KIAA0825: variants seen among roughly 807,000 people sequenced by gnomAD.
KIAA0825 encodes the protein KIAA0825, also known as uncharacterized protein KIAA0825.
A neutral mutation model predicts 147.6 loss-of-function variants in KIAA0825; 119 were observed. That is an observed-to-expected ratio of 0.81 (90% CI 0.69 to 0.94). The LOEUF is 0.94. Ranked by LOEUF, KIAA0825 falls within the 40% of genes least tolerant of loss-of-function variation. The pLI is 0.00. For synonymous variants in KIAA0825, 470 were observed against 518.1 expected, an observed-to-expected ratio of 0.91 and a Z score of 1.26; for missense variants, 1,381 against 1,472.7, an observed-to-expected ratio of 0.94 and a Z score of 1.02.
chr5:94,489,822 G>A (rs1035324563), intron 5 of KIAA0825, among the ~76,000 whole-genome samples: 1 of 149,664 alleles, frequency 6.7e-6, no homozygotes, highest in African/African-American at 2.5e-5. Flanking sequence ...GGAGGCAGAG[G>A]TTGCAGTGAG....
chr5:94,546,653 T>C (rs1242992439), intron 2 of KIAA0825, among the ~76,000 whole-genome samples: 2 of 151,924 alleles, frequency 1.3e-5, no homozygotes, highest in African/African-American at 2.4e-5. Flanking sequence ...CTCTATAAGA[T>C]TGCAAGAACC....
chr5:94,446,017 T>G lies in KIAA0825; in HGVS notation c.2358-5896A>C, dbSNP rs145463955. On this transcript the variant is annotated intron_variant, in intron 13 of 20. Coordinates refer to ENST00000682413, the MANE Select transcript of KIAA0825 (RefSeq NM_001145678.3). ...CAGCAGCAGTTGGGAGACCAAAAAC[T>G]CTTTTTGTCCTCCTCCCTAGATATT... is the stretch of plus-strand genomic sequence containing the variant. 1.6e-3 allele frequency among the ~76,000 whole-genome samples: 244 copies of G among 152,312 alleles called. 1 individual carries two copies. Among genetic ancestry groups the G allele is most frequent in the Admixed American group, 3.0e-3 (46 of 15,284 alleles).
chr5:94,509,375 A>G (rs1392515131), intron 5 of KIAA0825, among the ~76,000 whole-genome samples: 1 of 152,238 alleles, frequency 6.6e-6, no homozygotes, highest in Non-Finnish European at 1.5e-5. Flanking sequence ...CCTATTTAGT[A>G]GCCCTGTTGT....
At chr5:94,421,401 A>T (rs934930562) in intron 14 of KIAA0825, among the ~76,000 whole-genome samples, 14 of 152,184 alleles carry the variant, frequency 9.2e-5, no homozygotes, top group African/African-American at 3.4e-4. Context: ...TTTATGCAGA[A>T]CTTTCCAAAT....
intron 20 of KIAA0825, among the ~76,000 whole-genome samples, chr5:94,181,054 A>G (rs1404468748): frequency 6.6e-6 from 1 of 152,140 alleles, no homozygotes; most frequent in African/African-American, 2.4e-5. Context: ...TAGTACTCTC[A>G]TGGTTATTTT....
chr5:94,598,032 C>T (rs939420807), intron 1 of KIAA0825, among the ~76,000 whole-genome samples: 1 of 152,044 alleles, frequency 6.6e-6, no homozygotes, highest in Non-Finnish European at 1.5e-5. Flanking sequence ...CTACTGTAGA[C>T]TTTATTAACC....
intron 14 of KIAA0825, among the ~76,000 whole-genome samples, chr5:94,432,589 C>CA (rs143838704): frequency 0.17 from 24,344 of 146,984 alleles, 2,256 homozygotes; most frequent in East Asian, 0.38. Flanking sequence ...AAGAAAGTGA[C>CA]AAAAAAAAAA....
chr5:94,370,139 C>G (rs1426562443), intron 20 of KIAA0825, among the ~76,000 whole-genome samples: 1 of 151,370 alleles, frequency 6.6e-6, no homozygotes, highest in Non-Finnish European at 1.5e-5. Context: ...TACAACCATA[C>G]AATGAACTAC....
At chr5:94,197,209 G>A (rs1160689239) in intron 20 of KIAA0825, among the ~76,000 whole-genome samples, 1 of 152,076 alleles carries the variant, frequency 6.6e-6, no homozygotes, top group Non-Finnish European at 1.5e-5. Flanking sequence ...TGCATTTCTT[G>A]AATGATTCGT....
intron 20 of KIAA0825, among the ~76,000 whole-genome samples, chr5:94,203,828 A>G (rs1771912923): frequency 6.6e-6 from 1 of 152,136 alleles, no homozygotes; most frequent in Non-Finnish European, 1.5e-5. Flanking sequence ...CTTTTTAGAT[A>G]CACTTTGAGA....
intron 2 of KIAA0825, among the ~76,000 whole-genome samples, chr5:94,563,676 CT>C (rs954227476): frequency 1.3e-5 from 2 of 151,772 alleles, no homozygotes; most frequent in African/African-American, 2.4e-5. Flanking sequence ...TGAGCATTGC[CT>C]TTTTTAAATT....
chr5:94,595,599 GCTC>G (rs1785155468), intron 1 of KIAA0825, among the ~76,000 whole-genome samples: 1 of 152,146 alleles, frequency 6.6e-6, no homozygotes, highest in South Asian at 2.1e-4. Flanking sequence ...TTAACATTTG[GCTC>G]CTCGTTACTT....
intron 1 of KIAA0825, among the ~76,000 whole-genome samples, chr5:94,589,284 C>T (rs1783908992): frequency 6.6e-6 from 1 of 152,166 alleles, no homozygotes; most frequent in South Asian, 2.1e-4. Flanking sequence ...CCAGGTAAAG[C>T]CACTAATGGT....
chr5:94,384,748 T>C (rs1406052262), intron 19 of KIAA0825, among the ~76,000 whole-genome samples: 1 of 152,226 alleles, frequency 6.6e-6, no homozygotes, highest in Non-Finnish European at 1.5e-5. Flanking sequence ...AGCAAGTTTC[T>C]CTGAGAAGGA....
At chr5:94,392,273 G>A (rs924641938) in intron 17 of KIAA0825, among the ~76,000 whole-genome samples, 4 of 152,094 alleles carry the variant, frequency 2.6e-5, no homozygotes, top group Admixed American at 2.0e-4. Flanking sequence ...TTAAAAATAT[G>A]TGACCCACTC....
intron 1 of KIAA0825, among the ~76,000 whole-genome samples, chr5:94,604,861 C>G (rs1413903547): frequency 6.6e-6 from 1 of 151,740 alleles, no homozygotes; most frequent in African/African-American, 2.4e-5. Flanking sequence ...GCAGACAAAT[C>G]CCAAAGCTAG....
At chr5:94,551,239 T>G (rs889059769) in intron 2 of KIAA0825, among the ~76,000 whole-genome samples, 4 of 152,082 alleles carry the variant, frequency 2.6e-5, no homozygotes, top group African/African-American at 9.6e-5. Flanking sequence ...GTACTAATTT[T>G]CACATTATGG....
At chr5:94,546,220 T>A (rs1774323915) in intron 2 of KIAA0825, among the ~76,000 whole-genome samples, 1 of 152,106 alleles carries the variant, frequency 6.6e-6, no homozygotes, top group Non-Finnish European at 1.5e-5. Context: ...ACCAGATAGA[T>A]TTCTAAGGGT....
intron 20 of KIAA0825, among the ~76,000 whole-genome samples, chr5:94,348,640 G>A (rs1020496433): frequency 6.6e-6 from 1 of 152,070 alleles, no homozygotes. Flanking sequence ...CATGCAAATG[G>A]ACACCAAAAG....
Sources: gnomAD v4.1 joint callset for allele counts (sites outside exome capture counted in the v4.1 genomes callset) on GRCh38, gnomAD v4.1.1 for gene constraint, MANE v1.5 for transcripts, NCBI Gene and HGNC (gene_info 2026-07-23, HGNC 2026-07-21) for gene names.